Variants in SASH1 observed in about 807,000 individuals in gnomAD.
The protein encoded by SASH1 is SAM and SH3 domain containing 1.
Under a neutral mutation model 125.2 loss-of-function variants are expected in SASH1, and 44 were observed. The observed-to-expected ratio is 0.35, with a 90% CI of 0.28 to 0.45. The LOEUF (loss-of-function observed/expected upper bound fraction) is 0.45, where lower values mean the gene tolerates loss of function less well. Among genes scored for constraint, SASH1 ranks in the 20% least tolerant of loss-of-function variants. The pLI is 1.00. For missense variants in SASH1, 1,426 were observed against 1,614.5 expected (o/e 0.88, Z 2.00); for synonymous variants, 639 against 649.1 (o/e 0.98, Z 0.24).
chr6:148,336,508 G>A (rs1781160952), intron 1 of SASH1, among the ~76,000 whole-genome samples: 2 of 152,100 alleles, frequency 1.3e-5, no homozygotes, highest in South Asian at 4.1e-4. Flanking sequence ...CTGCTAAAGA[G>A]GTAAATGGGG....
intron 2 of SASH1, among the ~76,000 whole-genome samples, chr6:148,396,475 T>A: frequency 1.6e-5 from 1 of 62,834 alleles, no homozygotes; most frequent in Non-Finnish European, 2.6e-5. Context: ...AGACTGCATC[T>A]CAGAAAAAAA....
At position 148,495,936 on chromosome 6, in the gene SASH1, C is replaced by T. The variant is rs966277585; in HGVS notation, c.729+8221C>T. 6.6e-6 allele frequency among the ~76,000 whole-genome samples: 1 copy of T among 152,072 alleles called. No individual in the cohort carries two copies. The highest frequency in any genetic ancestry group is 2.4e-5 in the African/African-American group (1 of 41,420). On this transcript the variant is annotated intron_variant, in intron 8 of 19. Coordinates refer to ENST00000367467, the MANE Select transcript of SASH1 (RefSeq NM_015278.5). The surrounding 1 kb of genome is among the most constrained non-coding windows in gnomAD (Gnocchi z 4.0). ...CTGCAACCTCCACCTCCTGGGTTCA[C>T]GCGATTCTCCTGCCTCAGCCTCCAG...
chr6:148,420,287 C>T (rs952647552), intron 2 of SASH1, among the ~76,000 whole-genome samples: 3 of 152,016 alleles, frequency 2.0e-5, no homozygotes, highest in Non-Finnish European at 4.4e-5. Flanking sequence ...CGATTTTAAG[C>T]AGAAACATTT....
At chr6:148,404,862 G>A (rs1784315095) in intron 2 of SASH1, among the ~76,000 whole-genome samples, 1 of 149,742 alleles carries the variant, frequency 6.7e-6, no homozygotes, top group Non-Finnish European at 1.5e-5. Flanking sequence ...CATCTGATAG[G>A]GAACTGTCCA....
chr6:148,446,574 T>G (rs1188102022), intron 4 of SASH1, among the ~76,000 whole-genome samples: 1 of 152,200 alleles, frequency 6.6e-6, no homozygotes, highest in Non-Finnish European at 1.5e-5. Flanking sequence ...GTCATTACAT[T>G]CAAGGAAGCC....
rs146387474 is a variant in SASH1, at chr6:148,312,375, G to A, written n.74+39998G>A. Among the ~76,000 whole-genome samples the A allele has an allele frequency of 8.5e-3, 1,296 of 152,308 alleles. 18 individuals carry two copies. Among genetic ancestry groups the A allele is most frequent in the Middle Eastern group, 0.061 (18 of 294 alleles). ...ACCATGAAGGTGGTCAGGCGTGGTG[G>A]CTCATGCCTGTAATCTCAGTGCTTT... On this transcript the variant is annotated intron_variant and non_coding_transcript_variant, in intron 1 of 3. Transcript: ENST00000367469.
intron 4 of SASH1, among the ~76,000 whole-genome samples, chr6:148,466,670 T>G (rs1184372154): frequency 1.3e-5 from 2 of 152,170 alleles, no homozygotes; most frequent in East Asian, 3.8e-4. Context: ...CAAGTAGTCC[T>G]CCTGCTGCAG....
intron 4 of SASH1, among the ~76,000 whole-genome samples, chr6:148,461,062 A>G (rs1298379021): frequency 6.6e-6 from 1 of 152,234 alleles, no homozygotes; most frequent in Non-Finnish European, 1.5e-5. Context: ...GAGCTTCCCC[A>G]GTGCCAGACA....
At chr6:148,313,274 T>C (rs1359105762) in intron 1 of SASH1, among the ~76,000 whole-genome samples, 2 of 152,204 alleles carry the variant, frequency 1.3e-5, no homozygotes, top group Admixed American at 1.3e-4. Context: ...GGTGTCTTAG[T>C]ATTCACCCGG....
chr6:148,359,026 C>T (rs1425328036), intron 1 of SASH1, among the ~76,000 whole-genome samples: 7 of 151,870 alleles, frequency 4.6e-5, no homozygotes, highest in Non-Finnish European at 8.8e-5. Flanking sequence ...TGAGCCACTA[C>T]ACCCGGCCCT....
At chr6:148,375,864 G>T (rs1393354674) in intron 1 of SASH1, among the ~76,000 whole-genome samples, 1 of 152,130 alleles carries the variant, frequency 6.6e-6, no homozygotes, top group Non-Finnish European at 1.5e-5. Context: ...ACATTCACAA[G>T]CTGGCCTCTG....
At chr6:148,472,445 TAAAAA>T (rs35761383) in intron 6 of SASH1, among the ~76,000 whole-genome samples, 4 of 144,150 alleles carry the variant, frequency 2.8e-5, no homozygotes, top group African/African-American at 1.0e-4. Context: ...CCTTGGATTC[TAAAAA>T]AAAAAAAAAC....
chr6:148,330,788 G>T (rs1160102818), intron 1 of SASH1, among the ~76,000 whole-genome samples: 1 of 152,142 alleles, frequency 6.6e-6, no homozygotes, highest in Non-Finnish European at 1.5e-5. Flanking sequence ...GTTTCGCCAT[G>T]TTGGCCAGGC....
chr6:148,409,430 AC>A (rs1712710020), intron 2 of SASH1, among the ~76,000 whole-genome samples: 1 of 152,200 alleles, frequency 6.6e-6, no homozygotes, highest in African/African-American at 2.4e-5. Context: ...TGTCTGAAAT[AC>A]TCTGAAAGCT....
chr6:148,258,971 G>A, the SASH1 span, among the ~76,000 whole-genome samples: 1 of 152,154 alleles, frequency 6.6e-6, no homozygotes, highest in Non-Finnish European at 1.5e-5. Flanking sequence ...CAGCTTTCAC[G>A]TTGACCTCAA....
intron 1 of SASH1, among the ~76,000 whole-genome samples, chr6:148,373,421 G>A (rs1782772701): frequency 6.6e-6 from 1 of 152,054 alleles, no homozygotes; most frequent in Non-Finnish European, 1.5e-5. Flanking sequence ...GTGTGGCTGG[G>A]GCAGTGAGGC....
intron 2 of SASH1, among the ~76,000 whole-genome samples, chr6:148,407,559 A>G (rs1784425941): frequency 6.6e-6 from 1 of 152,130 alleles, no homozygotes; most frequent in South Asian, 2.1e-4. Flanking sequence ...AGCTCTTCAA[A>G]TCCCTGCTTT....
intron 1 of SASH1, among the ~76,000 whole-genome samples, chr6:148,315,181 T>C (rs1780448613): frequency 6.6e-6 from 1 of 152,240 alleles, no homozygotes; most frequent in Admixed American, 6.5e-5. Flanking sequence ...CATGATCATA[T>C]ATTGACTGTG....
intron 7 of SASH1, among the ~76,000 whole-genome samples, chr6:148,487,353 T>G (rs1778921942): frequency 6.6e-6 from 1 of 151,952 alleles, no homozygotes; most frequent in African/African-American, 2.4e-5. Context: ...AAAGAGTCCA[T>G]TTTGCCTGTT....
Sources: allele counts gnomAD v4.1 joint callset (sites outside exome capture counted in the v4.1 genomes callset), GRCh38; gene constraint gnomAD v4.1.1; non-coding constraint Gnocchi (gnomAD v3.1); transcripts MANE v1.5; gene names NCBI Gene and HGNC (gene_info 2026-07-23, HGNC 2026-07-21).